Variants in RPGRIP1L observed in about 807,000 individuals in gnomAD.
The protein encoded by RPGRIP1L is RPGRIP1 like, also known as protein fantom.
RPGRIP1L carries 131 observed loss-of-function variants against 160.4 expected under a neutral mutation model. The observed-to-expected ratio is 0.82, with a 90% confidence interval of 0.71 to 0.94. RPGRIP1L has a LOEUF of 0.94. RPGRIP1L is among the 40% of genes least tolerant of loss of function. The probability of loss-of-function intolerance (pLI) is 0.00; values close to 1 mark genes in which losing one functional copy is unlikely to be tolerated. For missense variants in RPGRIP1L, 1,522 were observed against 1,535.8 expected, an observed-to-expected ratio of 0.99 and a Z score of 0.15; for synonymous variants, 510 against 515.8, an observed-to-expected ratio of 0.99 and a Z score of 0.15.
At chr16:53,605,722 C>T (rs1963640618) in intron 25 of RPGRIP1L, 108 bp from the exon 26 acceptor site, 14 of 1,092,482 alleles carry the variant, frequency 1.3e-5, no homozygotes, top group Non-Finnish European at 1.8e-5. Flanking sequence ...TTAAAGTTTC[C>T]AATTATCCCA....
chr16:53,687,097 TTA>T (rs1479592933), intron 5 of RPGRIP1L, among the ~76,000 whole-genome samples: 2 of 152,220 alleles, frequency 1.3e-5, no homozygotes, highest in East Asian at 3.9e-4. Context: ...GGTAACAAGG[TTA>T]TGTCTAGTCT....
intron 22 of RPGRIP1L, among the ~76,000 whole-genome samples, chr16:53,627,753 A>T (rs1313653262): frequency 6.6e-6 from 1 of 152,088 alleles, no homozygotes; most frequent in Non-Finnish European, 1.5e-5. Context: ...ACTCAATACT[A>T]TATTTTTGAG....
intron 2 of RPGRIP1L, among the ~76,000 whole-genome samples, chr16:53,699,474 G>A (rs1159056905): frequency 2.0e-5 from 3 of 147,272 alleles, no homozygotes; most frequent in African/African-American, 7.6e-5. Flanking sequence ...TAGAAACAAA[G>A]AACAACTGAT....
At chr16:53,679,601 C>T (rs1969463339) in intron 6 of RPGRIP1L, among the ~76,000 whole-genome samples, 1 of 137,488 alleles carries the variant, frequency 7.3e-6, no homozygotes, top group African/African-American at 2.5e-5. Flanking sequence ...TTCAGAAAGC[C>T]CAATAAGAAA....
chr16:53,702,953 G>A (rs1210526649), intron 1 of RPGRIP1L, among the ~76,000 whole-genome samples: 1 of 152,180 alleles, frequency 6.6e-6, no homozygotes. Flanking sequence ...CCTGGTACAG[G>A]GTGGGAACCA....
chr16:53,680,945 G>T (rs1345858505), intron 6 of RPGRIP1L, among the ~76,000 whole-genome samples: 1 of 152,156 alleles, frequency 6.6e-6, no homozygotes, highest in East Asian at 1.9e-4. Context: ...TGCAAAAACA[G>T]GCTTGTTGTA....
chr16:53,671,591 G>A lies in RPGRIP1L; in HGVS notation c.1030-8C>T, dbSNP rs907172288. 9.0e-6 allele frequency: 13 copies of A among 1,444,238 alleles called. No individual in the cohort carries two copies. The East Asian group carries it at 3.0e-4, about 33-fold the overall frequency. The allele number at this position is 1,444,238 out of a possible 1,614,324, so 89.5% of individuals were successfully genotyped here. On this transcript the variant is annotated splice_polypyrimidine_tract_variant and splice_region_variant and intron_variant, in intron 8 of 26. Transcript: ENST00000647211. ...ATTAATTCTATCCTGCAGCTAAAAT[G>A]AAAATAAAATTACATATTAAGTAAA...
At chr16:53,609,362 T>C (rs1429197062) in intron 25 of RPGRIP1L, among the ~76,000 whole-genome samples, 1 of 152,184 alleles carries the variant, frequency 6.6e-6, no homozygotes, top group African/African-American at 2.4e-5. Context: ...CCTCCCAAAG[T>C]GCTGGGATTA....
At chr16:53,653,357 T>C (rs2151130891) in intron 14 of RPGRIP1L, 2 of 1,064,832 alleles carry the variant, frequency 1.9e-6, no homozygotes, top group Non-Finnish European at 2.3e-6. Flanking sequence ...CAGTCTCTCT[T>C]TCTGCTGCCT....
At chr16:53,668,558 A>C (rs780717669) in intron 9 of RPGRIP1L, among the ~76,000 whole-genome samples, 4 of 152,158 alleles carry the variant, frequency 2.6e-5, no homozygotes, top group Non-Finnish European at 5.9e-5. Flanking sequence ...TAGGCGAAGA[A>C]GCTCTGAAGA....
At chr16:53,684,017 C>A (rs192060653) in intron 6 of RPGRIP1L, among the ~76,000 whole-genome samples, 54 of 152,124 alleles carry the variant, frequency 3.5e-4, no homozygotes, top group African/African-American at 1.3e-3. Context: ...ATGTAAAACC[C>A]GAAACTACAA....
In RPGRIP1L at chr16:53,687,965, C is replaced by T. The variant is rs987512823; in HGVS notation, c.530G>A (p.Gly177Asp). Residue 177 changes from glycine (G) to aspartate (D), a missense_variant and splice_region_variant, in exon 5 of 27, where the codon GGT (glycine) becomes GAT (aspartate). Physicochemically the swap from Gly to Asp is moderately conservative, Grantham distance 94 (BLOSUM62 -1). Transcript: ENST00000647211. ...NAGLQECPRK[G>D]IKFQDADVAE... ...TACATCTGCATCTTGGAATTTTATA[C>T]CTAAAAACAAAGTAATAAAATATGA... The T allele has an allele frequency of 6.4e-7, 1 of 1,555,924 alleles. No homozygotes were observed. The highest frequency in any genetic ancestry group is 1.7e-5 in the Admixed American group (1 of 59,856).
chr16:53,602,787 A>AAC (rs1963452516), intron 26 of RPGRIP1L, among the ~76,000 whole-genome samples: 1 of 151,854 alleles, frequency 6.6e-6, no homozygotes, highest in Admixed American at 6.6e-5. Flanking sequence ...AAAAAAAAAA[A>AAC]AAGAATTTTT....
At chr16:53,699,092 G>A (rs1456261964) in intron 2 of RPGRIP1L, among the ~76,000 whole-genome samples, 9 of 151,962 alleles carry the variant, frequency 5.9e-5, no homozygotes, top group African/African-American at 1.9e-4. Context: ...ACCTTACCCC[G>A]CAACCCTGTG....
intron 17 of RPGRIP1L, among the ~76,000 whole-genome samples, chr16:53,643,332 G>A (rs1966357903): frequency 5.3e-5 from 8 of 150,612 alleles, no homozygotes; most frequent in Admixed American, 5.3e-4. Context: ...AAAGAAGTGG[G>A]CCTTGACAAG....
At chr16:53,664,653 T>C (rs1033605654) in intron 10 of RPGRIP1L, among the ~76,000 whole-genome samples, 12 of 152,096 alleles carry the variant, frequency 7.9e-5, no homozygotes, top group Non-Finnish European at 1.3e-4. Flanking sequence ...TAAATAAGAA[T>C]AGCTATGAGA....
intron 23 of RPGRIP1L, among the ~76,000 whole-genome samples, chr16:53,621,430 A>ATT (rs10710732): frequency 0.031 from 4,216 of 135,022 alleles, 141 homozygotes; most frequent in East Asian, 0.13. Flanking sequence ...TTTCTGGTCA[A>ATT]TTTTTTTTTT....
At position 53,641,385 on chromosome 16, in the gene RPGRIP1L, C is replaced by T. The variant is rs1354484682; in HGVS notation, c.2774G>A (p.Gly925Glu). The T allele has an allele frequency of 1.2e-6, 2 of 1,614,000 alleles. No individual in the cohort carries two copies. The highest frequency in any genetic ancestry group is 2.2e-5 in the East Asian group (1 of 44,860). ...KWKFAYLPPS[G>E]SITTEDLGNF... Reference sequence around the variant, plus strand: ...TCCTAAGTCTTCAGTTGTTATTGATCCACTTGGTGGAAGGTAAGCAAATTT... The same window carrying T: ...TCCTAAGTCTTCAGTTGTTATTGATTCACTTGGTGGAAGGTAAGCAAATTT... Residue 925 changes from glycine (G) to glutamate (E), a missense_variant, in exon 18 of 27, where the codon GGA (glycine) becomes GAA (glutamate). Physicochemically the swap from Gly to Glu is moderately conservative, Grantham distance 98 (BLOSUM62 -2). Coordinates refer to ENST00000647211, the MANE Select transcript of RPGRIP1L (RefSeq NM_015272.5).
chr16:53,674,874 T>C (rs993349283), intron 7 of RPGRIP1L, 143 bp downstream of exon 7: 6 of 612,902 alleles, frequency 9.8e-6, no homozygotes, highest in Non-Finnish European at 1.7e-5. Context: ...AGGGAAATGA[T>C]ACACATTTGT....
Sources: gnomAD v4.1 joint callset for allele counts (sites outside exome capture counted in the v4.1 genomes callset) on GRCh38, gnomAD v4.1.1 for gene constraint, MANE v1.5 for transcripts, NCBI Gene and HGNC (gene_info 2026-07-23, HGNC 2026-07-21) for gene names.